The following KRIT1 variants were observed in gnomAD, a reference collection of about 807,000 sequenced individuals.
KRIT1 encodes the protein KRIT1 ankyrin repeat containing.
KRIT1 carries 45 observed loss-of-function variants against 95.8 expected under a neutral mutation model. The ratio of observed to expected loss-of-function variants is 0.47; its 90% CI spans 0.37 to 0.60. The LOEUF is 0.60. Among genes scored for constraint, KRIT1 ranks in the 20% least tolerant of loss-of-function variants. KRIT1 has a pLI of 0.00. For missense variants in KRIT1, 788 were observed against 877.5 expected (o/e 0.90, Z 1.29); for synonymous variants, 282 against 278.8 (o/e 1.01, Z -0.11).
At chr7:92,223,105 T>G in intron 12 of KRIT1, 127 bp from the exon 13 acceptor site, 1 of 701,368 alleles carries the variant, frequency 1.4e-6, no homozygotes, top group African/African-American at 1.8e-5. Flanking sequence ...GAAACACTGT[T>G]TTAAGTGAGA....
At chr7:92,235,268 G>A (rs776514442) in intron 8 of KRIT1, 135 bp downstream of exon 8, 42 of 876,068 alleles carry the variant, frequency 4.8e-5, no homozygotes, top group Non-Finnish European at 7.1e-5. Context: ...CCAAAGTGCT[G>A]GGATTACAGG....
In KRIT1 at chr7:92,234,572, T is replaced by G. The variant is rs1207025803; in HGVS notation, c.866A>C (p.Asp289Ala). The change falls in exon 10 of 19, where the codon GAT (aspartate) becomes GCT (alanine). Residue 289 changes from aspartate to alanine, a missense_variant. Asp to Ala is a moderately radical substitution (Grantham distance 126, BLOSUM62 -2). Around this residue, in one of 3 missense-constraint regions of KRIT1, gnomAD observed 493 missense variants for 582.3 expected, o/e 0.85. Transcript: ENST00000394505. The part of the protein sequence containing the change: ...TEDKERQWVD[D>A]FPLHRSACEG... ...ACAGGCGCTTCGGTGGAGAGGAAAA[T>G]CATCTACCCACTGTCGTTCCCTAAT... The G allele has an allele frequency of 6.2e-7, 1 of 1,613,302 alleles. No individual in the cohort carries two copies. The highest frequency in any genetic ancestry group is 8.5e-7 in the Non-Finnish European group (1 of 1,179,306).
At chr7:92,235,210 G>A (rs1043198601) in intron 8 of KRIT1, among the ~76,000 whole-genome samples, 193 bp downstream of exon 8, 3 of 152,102 alleles carry the variant, frequency 2.0e-5, no homozygotes, top group Non-Finnish European at 4.4e-5. Flanking sequence ...ATGTTGGCCA[G>A]GCTGGTCTCG....
rs1178875536 is a variant in KRIT1, at chr7:92,200,787, T to C, written c.2160A>G (p.Lys720=). 3 of 1,606,368 alleles carry C rather than the reference T, an allele frequency of 1.9e-6. No individual in the cohort carries two copies. The highest frequency in any genetic ancestry group is 2.6e-6 in the Non-Finnish European group (3 of 1,173,146). ...VHTKQAGLVV[K]LLMKLNGQLM... is the part of the protein sequence containing the mutation. ...ACTGTCCATTTAGCTTCATTAACAG[T>C]TTTACCACGAGACCAGCCTACAAAG... Residue 720 remains lysine (K), a synonymous_variant, in exon 19 of 19, where the codon AAA becomes AAG. Coordinates refer to ENST00000394505, the MANE Select transcript of KRIT1 (RefSeq NM_194454.3).
At chr7:92,228,453 C>T (rs1458151007) in intron 10 of KRIT1, among the ~76,000 whole-genome samples, 1 of 152,104 alleles carries the variant, frequency 6.6e-6, no homozygotes, top group African/African-American at 2.4e-5. Context: ...AACTGATTTT[C>T]CATCTGTTTT....
At chr7:92,212,743 G>C (rs1359310114) in intron 17 of KRIT1, among the ~76,000 whole-genome samples, 4 of 152,128 alleles carry the variant, frequency 2.6e-5, no homozygotes, top group Admixed American at 2.6e-4. Flanking sequence ...GCCTGAACTA[G>C]ATAGGTATGT....
chr7:92,233,236 A>G (rs1273037270), intron 10 of KRIT1, among the ~76,000 whole-genome samples: 1 of 152,034 alleles, frequency 6.6e-6, no homozygotes, highest in Non-Finnish European at 1.5e-5. Flanking sequence ...TACAAATATT[A>G]AAATCAGATA....
At chr7:92,228,329 A>C (rs1186862741) in intron 10 of KRIT1, among the ~76,000 whole-genome samples, 1 of 152,204 alleles carries the variant, frequency 6.6e-6, no homozygotes, top group East Asian at 1.9e-4. Context: ...CTCTGAAGCA[A>C]GGGTAGAAAG....
intron 6 of KRIT1, 92 bp downstream of exon 6, chr7:92,237,575 G>T: frequency 1.6e-6 from 1 of 642,944 alleles, no homozygotes; most frequent in South Asian, 2.1e-5. Context: ...TATTATAGTA[G>T]TAACTATGAA....
rs137950016 is a variant in KRIT1, at chr7:92,210,030, G to A, written c.2025+3165C>T. Among the ~76,000 whole-genome samples, 28 of 152,196 alleles carry A rather than the reference G, an allele frequency of 1.8e-4. No individual in the cohort carries two copies. The East Asian group carries it at 4.6e-3, about 25-fold the overall frequency. ...AGAGGTTGCAGTGAGCCGAGATCAC[G>A]CCACCGCACTCCAGCCTGGGTGATG... On this transcript the variant is annotated intron_variant, in intron 17 of 18. Transcript: ENST00000394505.
chr7:92,229,608 A>G (rs1796877730), intron 10 of KRIT1, among the ~76,000 whole-genome samples: 1 of 152,170 alleles, frequency 6.6e-6, no homozygotes, highest in African/African-American at 2.4e-5. Flanking sequence ...TATTCTTAAG[A>G]CATCCTTTCC....
chr7:92,203,831 T>C (rs1438834802), intron 17 of KRIT1, among the ~76,000 whole-genome samples: 1 of 152,028 alleles, frequency 6.6e-6, no homozygotes, highest in African/African-American at 2.4e-5. Context: ...CTTGAAATGG[T>C]GGGGGGCATT....
At position 92,232,515 on chromosome 7, in the gene KRIT1, GAA is replaced by G. The variant is rs202080349; in HGVS notation, c.989+1932_989+1933del. Among the ~76,000 whole-genome samples the G allele has an allele frequency of 6.2e-5, 8 of 129,558 alleles. No individual in the cohort carries two copies. The East Asian group carries it at 6.8e-4, about 11-fold the overall frequency. 85.0% of individuals were successfully genotyped at this position (129,558 alleles called of 152,430 possible). A position where few individuals can be genotyped will look rare whatever the true frequency, so the allele number is the denominator to read the frequency against. The stretch of plus-strand genomic sequence containing the variant: ...TATTACCATTCTTTCATTAGAGGGG[GAA>G]AAAAAAAAAAACACCCCTGCCACAA... On this transcript the variant is annotated intron_variant, in intron 10 of 18. Transcript: ENST00000394505.
intron 5 of KRIT1, among the ~76,000 whole-genome samples, chr7:92,238,825 G>A (rs1240743390): frequency 1.3e-5 from 2 of 152,170 alleles, no homozygotes; most frequent in Non-Finnish European, 2.9e-5. Flanking sequence ...GCTTATAGGA[G>A]GAGACAGCCT....
At chr7:92,211,196 A>G (rs982564674) in intron 17 of KRIT1, among the ~76,000 whole-genome samples, 3 of 152,202 alleles carry the variant, frequency 2.0e-5, no homozygotes, top group African/African-American at 7.2e-5. Flanking sequence ...TCCAAAGGAA[A>G]GGAAATCAGT....
chr7:92,222,043 G>A lies in KRIT1; in HGVS notation c.1422C>T (p.Leu474=). The change falls in exon 14 of 19, where the codon CTC becomes CTT. Residue 474 remains leucine, a synonymous_variant. Transcript: ENST00000394505. ...GTTGCAAGGGTTTATGATATGGTTT[G>A]AGTTGAAGGCCTGAAAAACATCATT... is the stretch of plus-strand genomic sequence containing the variant. ...WICSENLSLQ[L]KPYHKPLQHV... is the part of the protein sequence containing the mutation. 6.2e-7 allele frequency: 1 copy of A among 1,613,102 alleles called. No individual in the cohort carries two copies. Among genetic ancestry groups the A allele is most frequent in the African/African-American group, 1.3e-5 (1 of 75,010 alleles).
intron 14 of KRIT1, among the ~76,000 whole-genome samples, chr7:92,215,958 G>A (rs957171270): frequency 2.6e-4 from 39 of 151,974 alleles, no homozygotes; most frequent in Non-Finnish European, 4.0e-4. Flanking sequence ...GGCCAGGCAC[G>A]GTGGCTCACG....
At chr7:92,201,181 T>G in intron 18 of KRIT1, 126 bp downstream of exon 18, 1 of 680,028 alleles carries the variant, frequency 1.5e-6, no homozygotes, top group South Asian at 1.7e-5. Context: ...TTCCTTGGTC[T>G]TAAATATTTT....
intron 10 of KRIT1, among the ~76,000 whole-genome samples, chr7:92,231,623 C>T (rs1411245586): frequency 2.6e-5 from 4 of 152,304 alleles, no homozygotes; most frequent in East Asian, 1.9e-4. Context: ...GTCCCCTCCT[C>T]GGTCTTTGTA....
Sources: allele counts gnomAD v4.1 joint callset (sites outside exome capture counted in the v4.1 genomes callset), GRCh38; gene constraint gnomAD v4.1.1; regional missense constraint gnomAD v4.1.1; transcripts MANE v1.5; gene names NCBI Gene and HGNC (gene_info 2026-07-23, HGNC 2026-07-21).